The following SLC9B2 variants were observed in gnomAD, a reference collection of about 807,000 sequenced individuals.
SLC9B2 encodes the protein sodium/hydrogen exchanger 9B2.
A neutral mutation model predicts 52.2 loss-of-function variants in SLC9B2; 39 were observed. The ratio of observed to expected loss-of-function variants is 0.75; its 90% CI spans 0.58 to 0.98. SLC9B2 has a LOEUF of 0.98. Ranked by LOEUF, SLC9B2 falls within the 50% of genes least tolerant of loss-of-function variation. The pLI, the probability that SLC9B2 is intolerant of heterozygous loss-of-function variation, is 0.00. For missense variants in SLC9B2, 626 were observed against 637.5 expected, an observed-to-expected ratio of 0.98 and a Z score of 0.19; for synonymous variants, 214 against 227.0, an observed-to-expected ratio of 0.94 and a Z score of 0.51.
chr4:103,036,512 A>G (rs1156566359), intron 9 of SLC9B2, among the ~76,000 whole-genome samples: 1 of 152,154 alleles, frequency 6.6e-6, no homozygotes, highest in East Asian at 1.9e-4. Context: ...TGAACCTAAA[A>G]TAAAAGCTGA....
chr4:103,031,953 A>G, intron 9 of SLC9B2, 145 bp from the exon 10 acceptor site: 1 of 706,642 alleles, frequency 1.4e-6, no homozygotes. Flanking sequence ...GCTAGAACAG[A>G]GCAAAAAAAC....
rs150832463 is a variant in SLC9B2 at position 103,043,342 on chromosome 4, G to A, written c.1100C>T (p.Thr367Met). ...GCCTGCAAGGAAAGCCATGACCAAC[G>A]TGCACAGTCCTCCTGATCCAGGGAA... ...FGFPGSGGLC[T>M]LVMAFLAGMG... Residue 367 changes from threonine to methionine, a missense_variant, in exon 9 of 12, where the codon ACG becomes ATG. Transcript: ENST00000394785. The A allele has an allele frequency of 1.1e-5, 17 of 1,613,602 alleles. No homozygotes were observed. The highest frequency in any genetic ancestry group is 3.3e-4 in the Middle Eastern group (2 of 6,058).
chr4:103,051,202 G>T (rs1744653446), intron 4 of SLC9B2, among the ~76,000 whole-genome samples: 1 of 152,180 alleles, frequency 6.6e-6, no homozygotes, highest in South Asian at 2.1e-4. Flanking sequence ...AAAACTGCAA[G>T]TAGTTGAGTG....
At chr4:103,065,621 T>TATGAAG in intron 3 of SLC9B2, 1 of 152,296 alleles carries the variant, frequency 6.6e-6, no homozygotes. Flanking sequence ...CTTTATCACA[T>TATGAAG]ATTCCCCCAG....
chr4:103,026,298 A>G lies in SLC9B2; in HGVS notation c.*72T>C. ...ATTACATTTTAAGCTTAAACATTAC[A>G]TATTTCAATATGCATCTTGAAAAAA... On this transcript the variant is annotated 3_prime_UTR_variant, in exon 12 of 12. Transcript: ENST00000394785. 1 of 1,316,144 alleles carries G rather than the reference A, an allele frequency of 7.6e-7. No individual in the cohort carries two copies. The highest frequency in any genetic ancestry group is 1.5e-5 in the South Asian group (1 of 68,710). The allele number at this position is 1,316,144 out of a possible 1,614,324, so 81.5% of individuals were successfully genotyped here. A position where few individuals can be genotyped will look rare whatever the true frequency, so the allele number is the denominator to read the frequency against.
At chr4:103,052,153 A>G (rs1578463796) in intron 4 of SLC9B2, among the ~76,000 whole-genome samples, 2 of 152,200 alleles carry the variant, frequency 1.3e-5, no homozygotes. Context: ...TTTTCCACTG[A>G]TGGCAGGGGG....
chr4:103,034,569 T>C (rs987508903), intron 9 of SLC9B2, among the ~76,000 whole-genome samples: 3 of 152,188 alleles, frequency 2.0e-5, no homozygotes, highest in African/African-American at 7.2e-5. Context: ...AAAGGTCTAA[T>C]GTCCAGAATC....
At chr4:103,047,702 T>C (rs1744297121) in intron 6 of SLC9B2, among the ~76,000 whole-genome samples, 1 of 152,120 alleles carries the variant, frequency 6.6e-6, no homozygotes, top group African/African-American at 2.4e-5. Context: ...GCTTCATCCA[T>C]GTCCCTACAG....
chr4:103,058,038 A>G (rs1230271893), intron 3 of SLC9B2, 67 bp from the exon 4 acceptor site: 1 of 1,342,066 alleles, frequency 7.5e-7, no homozygotes, highest in African/African-American at 1.5e-5. Context: ...ACAAAATCTA[A>G]AATAATTTGT....
intron 10 of SLC9B2, 144 bp from the exon 11 acceptor site, chr4:103,029,027 T>C: frequency 1.4e-6 from 1 of 705,484 alleles, no homozygotes; most frequent in Non-Finnish European, 2.2e-6. Flanking sequence ...AGGAAGAATA[T>C]ATAAAAACAA....
chr4:103,020,143 C>G (rs1450704241), downstream of SLC9B2: 2 of 283,698 alleles, frequency 7.0e-6, no homozygotes, highest in Non-Finnish European at 1.4e-5. Context: ...CTGTAAAGGA[C>G]GCTGTGGTGG....
intron 1 of SLC9B2, among the ~76,000 whole-genome samples, chr4:103,071,672 C>T (rs908807303): frequency 6.6e-6 from 1 of 151,880 alleles, no homozygotes; most frequent in Non-Finnish European, 1.5e-5. Flanking sequence ...CTACCACACC[C>T]GGCTAATTTT....
intron 1 of SLC9B2, among the ~76,000 whole-genome samples, chr4:103,074,017 G>A (rs971471239): frequency 6.6e-6 from 1 of 152,146 alleles, no homozygotes; most frequent in African/African-American, 2.4e-5. Context: ...TCTTGCCATT[G>A]GAATTTGTAG....
At chr4:103,065,993 C>T (rs914277951) in intron 3 of SLC9B2, among the ~76,000 whole-genome samples, 8 of 152,122 alleles carry the variant, frequency 5.3e-5, no homozygotes, top group African/African-American at 1.7e-4. Flanking sequence ...TAACAACAAA[C>T]GTTTATGTAG....
At position 103,022,570 on chromosome 4, in the gene SLC9B2, G is replaced by GA. The variant is rs1250702385; in HGVS notation, c.*3799dup. Among the ~76,000 whole-genome samples the GA allele has an allele frequency of 1.3e-5, 2 of 152,048 alleles. No individual in the cohort carries two copies. Among genetic ancestry groups the GA allele is most frequent in the Non-Finnish European group, 1.5e-5 (1 of 68,002 alleles). On this transcript the variant is annotated 3_prime_UTR_variant, in exon 12 of 12. Transcript: ENST00000394785. ...ATGAAAATGTGTTACTTTATAATCA[G>GA]AAAAAAATACTATTTTTAAAGAATG...
At chr4:103,066,011 C>A (rs1408433937) in intron 3 of SLC9B2, among the ~76,000 whole-genome samples, 1 of 152,186 alleles carries the variant, frequency 6.6e-6, no homozygotes, top group Admixed American at 6.5e-5. Context: ...TAGTGTTTTA[C>A]AGTCCTAACG....
intron 1 of SLC9B2, among the ~76,000 whole-genome samples, chr4:103,069,176 T>C (rs892479474): frequency 1.2e-4 from 18 of 152,126 alleles, no homozygotes; most frequent in Non-Finnish European, 2.5e-4. Context: ...GATGAGAAAA[T>C]GTTAGACTCA....
intron 1 of SLC9B2, among the ~76,000 whole-genome samples, chr4:103,074,969 G>A (rs140428466): frequency 2.6e-4 from 39 of 152,196 alleles, no homozygotes; most frequent in African/African-American, 9.4e-4. Context: ...CTCTTGTTAC[G>A]TCCCAGTCCT....
intron 9 of SLC9B2, among the ~76,000 whole-genome samples, chr4:103,040,660 G>C (rs1004131690): frequency 1.3e-5 from 2 of 152,082 alleles, no homozygotes; most frequent in African/African-American, 2.4e-5. Context: ...GGAAGATAAT[G>C]AACAAAAGAC....
Sources: gnomAD v4.1 joint callset for allele counts (sites outside exome capture counted in the v4.1 genomes callset) on GRCh38, gnomAD v4.1.1 for gene constraint, MANE v1.5 for transcripts, NCBI Gene and HGNC (gene_info 2026-07-23, HGNC 2026-07-21) for gene names.